Variants in HPSE2 observed in about 807,000 individuals in gnomAD.
The protein encoded by HPSE2 is inactive heparanase-2.
In HPSE2, 38 loss-of-function variants were observed where a neutral mutation model predicts 60.5. The ratio of observed to expected loss-of-function variants is 0.63; its 90% CI spans 0.48 to 0.82. The LOEUF (loss-of-function observed/expected upper bound fraction) is 0.82. Among genes scored for constraint, HPSE2 ranks in the 40% least tolerant of loss-of-function variants. The probability of loss-of-function intolerance (pLI) is 0.00; values close to 1 mark genes in which losing one functional copy is unlikely to be tolerated. For missense variants in HPSE2, 713 were observed against 740.4 expected (o/e 0.96, Z 0.43); for synonymous variants, 295 against 293.2 (o/e 1.01, Z -0.06).
chr10:99,246,953 C>A, the HPSE2 span, among the ~76,000 whole-genome samples: 1 of 152,060 alleles, frequency 6.6e-6, no homozygotes, highest in South Asian at 2.1e-4. Flanking sequence ...GAAATTCCCC[C>A]AACTACCTCA....
intron 3 of HPSE2, among the ~76,000 whole-genome samples, chr10:99,104,145 A>C (rs1055749478): frequency 2.0e-5 from 3 of 152,238 alleles, no homozygotes; most frequent in Admixed American, 6.5e-5. Context: ...GGATCTAATT[A>C]AACTCAAGAG....
At chr10:99,017,238 G>A (rs964658242) in intron 3 of HPSE2, among the ~76,000 whole-genome samples, 2 of 152,084 alleles carry the variant, frequency 1.3e-5, no homozygotes, top group African/African-American at 4.8e-5. Context: ...AACATGAATG[G>A]ATGTTGAATT....
At chr10:98,492,354 T>A (rs930129367) in intron 9 of HPSE2, among the ~76,000 whole-genome samples, 2 of 151,740 alleles carry the variant, frequency 1.3e-5, no homozygotes, top group African/African-American at 4.8e-5. Context: ...TACAAAAAAT[T>A]AGCAGGGCGT....
At chr10:98,889,364 CT>C (rs71009714) in intron 3 of HPSE2, among the ~76,000 whole-genome samples, 2,914 of 140,958 alleles carry the variant, frequency 0.021, 86 homozygotes, top group East Asian at 0.14. Context: ...TCTCTCTTTT[CT>C]TTTTTTTTTT....
chr10:98,483,751 GC>G (rs1380984462), intron 10 of HPSE2, among the ~76,000 whole-genome samples: 3 of 152,218 alleles, frequency 2.0e-5, no homozygotes, highest in Non-Finnish European at 4.4e-5. Context: ...CTTGACAAAG[GC>G]TGTTCTATTG....
At chr10:98,800,435 T>C (rs1950879206) in intron 3 of HPSE2, among the ~76,000 whole-genome samples, 1 of 147,588 alleles carries the variant, frequency 6.8e-6, no homozygotes, top group African/African-American at 2.5e-5. Context: ...ATACATAAAA[T>C]ATATTATAAT....
At chr10:98,640,916 T>G (rs1463716526) in intron 7 of HPSE2, among the ~76,000 whole-genome samples, 2 of 152,196 alleles carry the variant, frequency 1.3e-5, no homozygotes, top group Admixed American at 1.3e-4. Flanking sequence ...CCAGCCATAT[T>G]AAATCAGAAC....
the HPSE2 span, among the ~76,000 whole-genome samples, chr10:99,291,123 A>G: frequency 3.9e-5 from 6 of 152,196 alleles, no homozygotes; most frequent in Non-Finnish European, 5.9e-5. Flanking sequence ...AACAATTACA[A>G]GTAGGAGTAA....
chr10:99,131,412 T>C lies in HPSE2; in HGVS notation c.610+12826A>G, dbSNP rs190095754. 3.4e-3 allele frequency among the ~76,000 whole-genome samples: 516 copies of C among 152,168 alleles called. 3 individuals carry two copies. The highest frequency in any genetic ancestry group is 0.012 in the African/African-American group (494 of 41,520). Reference sequence around the variant, plus strand: ...CATTTTATAGCAGCACAATTTGCAATTGCAAAAATACAGAACTAGACTAAA... The same window carrying C: ...CATTTTATAGCAGCACAATTTGCAACTGCAAAAATACAGAACTAGACTAAA... On this transcript the variant is annotated intron_variant, in intron 3 of 11. Transcript: ENST00000370552.
chr10:98,477,823 G>A (rs1941082571), intron 11 of HPSE2, among the ~76,000 whole-genome samples: 1 of 152,080 alleles, frequency 6.6e-6, no homozygotes, highest in African/African-American at 2.4e-5. Flanking sequence ...AGTGGTGGGT[G>A]AGCATTACCA....
At chr10:98,660,436 A>T (rs1456793989) in intron 6 of HPSE2, among the ~76,000 whole-genome samples, 1 of 152,162 alleles carries the variant, frequency 6.6e-6, no homozygotes, top group Non-Finnish European at 1.5e-5. Context: ...ACAACTTATT[A>T]TTGGGGCTCC....
chr10:98,965,707 TA>T (rs1955796728), intron 3 of HPSE2, among the ~76,000 whole-genome samples: 1 of 152,160 alleles, frequency 6.6e-6, no homozygotes, highest in Non-Finnish European at 1.5e-5. Context: ...AAACCTCATC[TA>T]AAAGTGGTCA....
chr10:98,749,815 T>C (rs557816102), intron 3 of HPSE2, among the ~76,000 whole-genome samples: 15 of 150,430 alleles, frequency 1.0e-4, no homozygotes, highest in Non-Finnish European at 2.1e-4. Flanking sequence ...GTGTATTAAA[T>C]GCATTTTTGA....
At chr10:99,304,586 T>G in the HPSE2 span, among the ~76,000 whole-genome samples, 1 of 152,240 alleles carries the variant, frequency 6.6e-6, no homozygotes, top group Non-Finnish European at 1.5e-5. Flanking sequence ...ATCATACGTT[T>G]AAAGGTATCA....
chr10:98,637,334 A>G (rs1042304964), intron 7 of HPSE2, among the ~76,000 whole-genome samples: 5 of 152,202 alleles, frequency 3.3e-5, no homozygotes, highest in African/African-American at 1.2e-4. Flanking sequence ...AAAAAAGAGG[A>G]AAGAGGAGAA....
intron 3 of HPSE2, among the ~76,000 whole-genome samples, chr10:98,856,363 G>A (rs1160237397): frequency 2.6e-5 from 4 of 152,012 alleles, no homozygotes; most frequent in South Asian, 2.1e-4. Flanking sequence ...CTGAATAAGC[G>A]GATTCAGAAA....
At chr10:98,763,312 T>C (rs1589784526) in intron 3 of HPSE2, among the ~76,000 whole-genome samples, 1 of 151,896 alleles carries the variant, frequency 6.6e-6, no homozygotes. Context: ...CCAAATTTGA[T>C]TTAAAAAATA....
intron 3 of HPSE2, among the ~76,000 whole-genome samples, chr10:98,803,703 C>T (rs1486955014): frequency 6.6e-6 from 1 of 150,858 alleles, no homozygotes; most frequent in Non-Finnish European, 1.5e-5. Flanking sequence ...GTACCAGTAG[C>T]ATGCTGTTTT....
chr10:98,555,369 C>T lies in HPSE2; in HGVS notation c.1320+59535G>A, dbSNP rs890114172. Reference sequence around the variant, plus strand: ...CATTCTGCCTTTTCTGCAGCCTCCGCTTTCCTGCAGAGCCCTGTATGTGTC... The same window carrying T: ...CATTCTGCCTTTTCTGCAGCCTCCGTTTTCCTGCAGAGCCCTGTATGTGTC... On this transcript the variant is annotated intron_variant, in intron 9 of 11. Transcript: ENST00000370552. Among the ~76,000 whole-genome samples, 31 of 152,220 alleles carry T rather than the reference C, an allele frequency of 2.0e-4. 1 individual carries two copies. The highest frequency in any genetic ancestry group is 1.2e-3 in the Admixed American group (19 of 15,284).
Sources: gnomAD v4.1 joint callset for allele counts (sites outside exome capture counted in the v4.1 genomes callset) on GRCh38, gnomAD v4.1.1 for gene constraint, MANE v1.5 for transcripts, NCBI Gene and HGNC (gene_info 2026-07-23, HGNC 2026-07-21) for gene names.